NAV2: variants seen among roughly 807,000 people sequenced by gnomAD.
NAV2 encodes neuron navigator 2.
In NAV2, 54 loss-of-function variants were observed where a neutral mutation model predicts 223.2. The ratio of observed to expected loss-of-function variants is 0.24; its 90% confidence interval spans 0.19 to 0.30. The LOEUF is 0.30. Among genes scored for constraint, NAV2 ranks in the 10% least tolerant of loss-of-function variants. NAV2 has a pLI of 1.00. For missense variants in NAV2, 2,806 were observed against 3,147.5 expected (o/e 0.89, Z 2.60); for synonymous variants, 1,279 against 1,239.3 (o/e 1.03, Z -0.67).
rs537981522 is a variant in NAV2, at chr11:19,752,624, C to T, written c.267+38662C>T. Among the ~76,000 whole-genome samples, 3 of 152,208 alleles carry T rather than the reference C, an allele frequency of 2.0e-5. No homozygotes were observed. In the East Asian group the frequency reaches 5.8e-4, roughly 29 times the overall value. Reference sequence around the variant, plus strand: ...GTACATCATGAACACCTTTTCATGTCATTAAGGATTTTTATACACAGTCAC... The same window carrying T: ...GTACATCATGAACACCTTTTCATGTTATTAAGGATTTTTATACACAGTCAC... On this transcript the variant is annotated intron_variant, in intron 1 of 37. Coordinates refer to ENST00000349880, the MANE Select transcript of NAV2 (RefSeq NM_145117.5).
At chr11:19,461,297 G>A (rs1194949030) in intron 1 of NAV2, among the ~76,000 whole-genome samples, 1 of 152,142 alleles carries the variant, frequency 6.6e-6, no homozygotes, top group African/African-American at 2.4e-5. Flanking sequence ...CTCCTCCACA[G>A]GGATTTTTAT....
intron 1 of NAV2, among the ~76,000 whole-genome samples, chr11:19,440,976 G>C (rs1201886739): frequency 6.6e-6 from 1 of 152,168 alleles, no homozygotes; most frequent in East Asian, 1.9e-4. Context: ...GAGGAAAACA[G>C]GCATTAAATA....
intron 1 of NAV2, among the ~76,000 whole-genome samples, chr11:19,642,979 A>G (rs1409625266): frequency 6.6e-6 from 1 of 152,038 alleles, no homozygotes; most frequent in Non-Finnish European, 1.5e-5. Context: ...GCTTCTATTG[A>G]CTTGGCTTTT....
intron 1 of NAV2, among the ~76,000 whole-genome samples, chr11:19,356,714 T>C (rs1434794856): frequency 6.6e-6 from 1 of 152,164 alleles, no homozygotes; most frequent in African/African-American, 2.4e-5. Flanking sequence ...ATGGACTGAA[T>C]TGCATTTCCC....
At chr11:19,700,580 C>A (rs2049483015) in intron 1 of NAV2, among the ~76,000 whole-genome samples, 2 of 152,194 alleles carry the variant, frequency 1.3e-5, no homozygotes, top group South Asian at 4.1e-4. Flanking sequence ...ATCTCTTACT[C>A]TACACAGAGA....
At chr11:19,919,606 A>C (rs1350144351) in intron 6 of NAV2, among the ~76,000 whole-genome samples, 2 of 152,224 alleles carry the variant, frequency 1.3e-5, no homozygotes, top group African/African-American at 2.4e-5. Context: ...CCCTTTCTCC[A>C]TAGAGTTGGG....
At chr11:19,629,542 G>GACAC (rs10604730) in intron 1 of NAV2, among the ~76,000 whole-genome samples, 4,508 of 134,798 alleles carry the variant, frequency 0.033, 140 homozygotes, top group African/African-American at 0.079. Context: ...CTCTCTCTCT[G>GACAC]ACACACACAC....
chr11:20,090,729 A>G, intron 26 of NAV2, 136 bp from the exon 27 acceptor site: 3 of 809,720 alleles, frequency 3.7e-6, no homozygotes, highest in Admixed American at 5.6e-5. Flanking sequence ...TGCTTTTGGC[A>G]TTGTCACCCA....
At chr11:19,398,401 T>C (rs1367941881) in intron 1 of NAV2, among the ~76,000 whole-genome samples, 1 of 152,134 alleles carries the variant, frequency 6.6e-6, no homozygotes. Context: ...CCTCCAATAC[T>C]GGGGATTACA....
rs143792818 is a variant in NAV2 at position 19,640,071 on chromosome 11, A to C, written c.76-192413A>C. Among the ~76,000 whole-genome samples the C allele has an allele frequency of 2.4e-3, 364 of 152,384 alleles. 3 individuals are homozygous for C. The highest frequency in any genetic ancestry group is 8.5e-3 in the African/African-American group (352 of 41,590). On this transcript the variant is annotated intron_variant, in intron 1 of 37. Transcript: ENST00000360655. ...TGAAGAACGAAGAAACCTACTAAGCAGATAATTGAATTCAAAAACAGCCAT... is the reference window on the plus strand; with the variant it reads ...TGAAGAACGAAGAAACCTACTAAGCCGATAATTGAATTCAAAAACAGCCAT...
chr11:19,407,766 C>T (rs1186350550), intron 1 of NAV2, among the ~76,000 whole-genome samples: 3 of 151,702 alleles, frequency 2.0e-5, no homozygotes, highest in Non-Finnish European at 2.9e-5. Context: ...CCACACTCGG[C>T]ATTTTGTGTG....
chr11:19,642,878 G>A (rs2047704191), intron 1 of NAV2, among the ~76,000 whole-genome samples: 1 of 152,214 alleles, frequency 6.6e-6, no homozygotes, highest in African/African-American at 2.4e-5. Flanking sequence ...CACAGTGGCT[G>A]CCTGCTGCGA....
At chr11:19,531,208 G>A (rs931578472) in intron 1 of NAV2, among the ~76,000 whole-genome samples, 2 of 152,192 alleles carry the variant, frequency 1.3e-5, no homozygotes, top group Non-Finnish European at 2.9e-5. Flanking sequence ...TCACATTCTG[G>A]TAGGGGAAAC....
chr11:19,991,488 C>T lies in NAV2; in HGVS notation c.2768+7241C>T, dbSNP rs12271006. Among the ~76,000 whole-genome samples the T allele has an allele frequency of 8.1e-3, 1,235 of 152,258 alleles. 23 individuals are homozygous for T. Among genetic ancestry groups the T allele is most frequent in the African/African-American group, 0.028 (1,179 of 41,538 alleles). Reference sequence around the variant, plus strand: ...ACTTAGGACAATCTAGGCTCTACCTCGTTGCAACTCACTTTTCTTTATATT... The same window carrying T: ...ACTTAGGACAATCTAGGCTCTACCTTGTTGCAACTCACTTTTCTTTATATT... On this transcript the variant is annotated intron_variant, in intron 11 of 37. Transcript: ENST00000349880.
At chr11:19,568,997 A>G (rs111283666) in intron 1 of NAV2, among the ~76,000 whole-genome samples, 3,205 of 152,320 alleles carry the variant, frequency 0.021, 121 homozygotes, top group South Asian at 0.085. Flanking sequence ...TGAGCACAGA[A>G]TGCTTGGGCC....
At chr11:19,559,150 C>T (rs756299068) in intron 1 of NAV2, among the ~76,000 whole-genome samples, 7 of 152,212 alleles carry the variant, frequency 4.6e-5, no homozygotes, top group Non-Finnish European at 7.3e-5. Flanking sequence ...AAACCACCTA[C>T]CACAGGTACT....
At chr11:19,991,102 G>T (rs1450381201) in intron 11 of NAV2, among the ~76,000 whole-genome samples, 1 of 152,136 alleles carries the variant, frequency 6.6e-6, no homozygotes, top group Non-Finnish European at 1.5e-5. Flanking sequence ...GTGTTTTTGC[G>T]AAGCACCTAA....
At position 19,673,178 on chromosome 11, in the gene NAV2, G is replaced by C. The variant is rs73424387; in HGVS notation, c.76-159306G>C. Among the ~76,000 whole-genome samples, 68 of 152,304 alleles carry C rather than the reference G, an allele frequency of 4.5e-4. 1 individual carries two copies. Among genetic ancestry groups the C allele is most frequent in the African/African-American group, 1.6e-3 (66 of 41,556 alleles). On this transcript the variant is annotated intron_variant, in intron 1 of 37. Coordinates refer to the NAV2 transcript ENST00000360655. ...ATTACCATGGAAGGAATTTCCACAC[G>C]CAACCCTGTAATGATACTTATTACT...
intron 17 of NAV2, among the ~76,000 whole-genome samples, chr11:20,051,911 C>T (rs577239865): frequency 6.6e-6 from 1 of 152,278 alleles, no homozygotes; most frequent in African/African-American, 2.4e-5. Flanking sequence ...AAAGAAAAGA[C>T]TCCCAGGAAG....
Sources: allele counts gnomAD v4.1 joint callset (sites outside exome capture counted in the v4.1 genomes callset), GRCh38; gene constraint gnomAD v4.1.1; transcripts MANE v1.5; gene names NCBI Gene and HGNC (gene_info 2026-07-23, HGNC 2026-07-21).